PTPRD: variants seen among roughly 807,000 people sequenced by gnomAD.
The protein encoded by PTPRD is receptor-type tyrosine-protein phosphatase delta.
In PTPRD, 34 loss-of-function variants were observed where a neutral mutation model predicts 214.5. That is an observed-to-expected ratio of 0.16 (90% CI 0.12 to 0.21). PTPRD has a LOEUF of 0.21. PTPRD is among the 10% of genes least tolerant of loss of function. The pLI is 1.00. For missense variants in PTPRD, 2,545 were observed against 2,398.7 expected (o/e 1.06, Z -1.27); for synonymous variants, 1,128 against 845.7 (o/e 1.33, Z -5.79).
intron 14 of PTPRD, among the ~76,000 whole-genome samples, chr9:8,561,906 C>T (rs958988247): frequency 6.6e-6 from 1 of 151,956 alleles, no homozygotes; most frequent in Non-Finnish European, 1.5e-5. Context: ...ACTATAACTC[C>T]TTTAAATGCC....
intron 10 of PTPRD, among the ~76,000 whole-genome samples, chr9:9,175,181 A>T (rs1051980901): frequency 3.3e-5 from 5 of 152,188 alleles, no homozygotes; most frequent in African/African-American, 9.6e-5. Flanking sequence ...TTCTTATAGC[A>T]GCCAAAGTGA....
At chr9:9,831,112 T>C (rs1397483161) in intron 5 of PTPRD, among the ~76,000 whole-genome samples, 1 of 151,914 alleles carries the variant, frequency 6.6e-6, no homozygotes, top group African/African-American at 2.4e-5. Flanking sequence ...AGCTTCAGGG[T>C]GTAGCACTGA....
chr9:9,034,366 G>C (rs558649361), intron 10 of PTPRD, among the ~76,000 whole-genome samples: 47 of 152,270 alleles, frequency 3.1e-4, no homozygotes, highest in African/African-American at 1.1e-3. Flanking sequence ...CTAGCTGTTT[G>C]ATGGTGGACA....
At chr9:9,027,062 C>T (rs2099589789) in intron 10 of PTPRD, among the ~76,000 whole-genome samples, 1 of 151,680 alleles carries the variant, frequency 6.6e-6, no homozygotes, top group Admixed American at 6.6e-5. Flanking sequence ...TTGGCTCTGG[C>T]ACCTGCTATG....
At chr9:8,919,780 T>C (rs1588035475) in intron 11 of PTPRD, among the ~76,000 whole-genome samples, 1 of 150,516 alleles carries the variant, frequency 6.6e-6, no homozygotes, top group African/African-American at 2.4e-5. Flanking sequence ...TATATGCACA[T>C]CTATGCACAA....
intron 8 of PTPRD, among the ~76,000 whole-genome samples, chr9:9,511,377 G>A (rs1273253187): frequency 1.3e-5 from 2 of 151,674 alleles, no homozygotes; most frequent in African/African-American, 4.8e-5. Context: ...TAAGCACATA[G>A]CTGATGCTAG....
At chr9:10,107,802 G>C (rs2098649673) in intron 3 of PTPRD, among the ~76,000 whole-genome samples, 1 of 152,090 alleles carries the variant, frequency 6.6e-6, no homozygotes, top group African/African-American at 2.4e-5. Context: ...ACTGCAATAT[G>C]ATTAAACTCA....
At chr9:8,698,012 T>C (rs766172424) in intron 12 of PTPRD, among the ~76,000 whole-genome samples, 4 of 152,186 alleles carry the variant, frequency 2.6e-5, no homozygotes, top group Non-Finnish European at 4.4e-5. Flanking sequence ...CAGTCCTCTG[T>C]AGTCTCTGCT....
At chr9:9,865,807 C>T (rs980796718) in intron 5 of PTPRD, among the ~76,000 whole-genome samples, 5 of 152,180 alleles carry the variant, frequency 3.3e-5, no homozygotes, top group Non-Finnish European at 7.3e-5. Context: ...AGTAACATTC[C>T]ATTTTAGCCG....
At chr9:9,152,261 T>C (rs1272880081) in intron 10 of PTPRD, among the ~76,000 whole-genome samples, 1 of 152,208 alleles carries the variant, frequency 6.6e-6, no homozygotes, top group African/African-American at 2.4e-5. Flanking sequence ...TGAATGCACA[T>C]GTAGAGACAT....
chr9:10,127,601 A>G (rs1166030559), intron 3 of PTPRD, among the ~76,000 whole-genome samples: 1 of 152,164 alleles, frequency 6.6e-6, no homozygotes, highest in Non-Finnish European at 1.5e-5. Flanking sequence ...TACTGTAATT[A>G]TTTATTAATG....
At chr9:9,601,921 T>C (rs977298505) in intron 7 of PTPRD, among the ~76,000 whole-genome samples, 52 of 152,194 alleles carry the variant, frequency 3.4e-4, no homozygotes, top group African/African-American at 1.2e-3. Flanking sequence ...CATTATAGAC[T>C]CTTGGGTCAC....
chr9:9,051,188 G>A (rs1370946786), intron 10 of PTPRD, among the ~76,000 whole-genome samples: 1 of 151,830 alleles, frequency 6.6e-6, no homozygotes, highest in Non-Finnish European at 1.5e-5. Flanking sequence ...AAAAAATCAT[G>A]TACACCACAA....
At chr9:10,357,552 G>A (rs10120741) in intron 2 of PTPRD, among the ~76,000 whole-genome samples, 36,767 of 152,048 alleles carry the variant, frequency 0.24, 4,548 homozygotes, top group African/African-American at 0.29. Flanking sequence ...AGTGCTTAGA[G>A]CAGAACTTGG....
At chr9:10,466,031 G>A (rs770219766) in intron 2 of PTPRD, among the ~76,000 whole-genome samples, 2 of 152,126 alleles carry the variant, frequency 1.3e-5, no homozygotes, top group Non-Finnish European at 2.9e-5. Flanking sequence ...ATGAATGAGC[G>A]AAACTAAAAA....
At chr9:8,668,080 A>G (rs1312830372) in intron 12 of PTPRD, among the ~76,000 whole-genome samples, 1 of 152,218 alleles carries the variant, frequency 6.6e-6, no homozygotes, top group Non-Finnish European at 1.5e-5. Flanking sequence ...CCCAATGACC[A>G]CTGGCTACCA....
chr9:9,251,217 C>G (rs2099975348), intron 9 of PTPRD, among the ~76,000 whole-genome samples: 1 of 152,020 alleles, frequency 6.6e-6, no homozygotes, highest in African/African-American at 2.4e-5. Flanking sequence ...TGGATCCAAG[C>G]CAGGTTGCCT....
In PTPRD at chr9:9,209,960, G is replaced by T. The variant is rs114653730; in HGVS notation, c.-202-26597C>A. Reference sequence around the variant, plus strand: ...TTCCTCCTAAACTCAGATCCCATGGGGTGATGCAGAAGGGCCCAGATAGAT... The same window carrying T: ...TTCCTCCTAAACTCAGATCCCATGGTGTGATGCAGAAGGGCCCAGATAGAT... On this transcript the variant is annotated intron_variant, in intron 9 of 45. Transcript: ENST00000381196. 8.9e-3 allele frequency among the ~76,000 whole-genome samples: 1,348 copies of T among 152,110 alleles called. 22 individuals carry two copies. The highest frequency in any genetic ancestry group is 0.03 in the African/African-American group (1,233 of 41,482).
intron 8 of PTPRD, among the ~76,000 whole-genome samples, chr9:9,403,721 G>A (rs753005171): frequency 6.6e-6 from 1 of 151,922 alleles, no homozygotes; most frequent in Non-Finnish European, 1.5e-5. Context: ...TTTATAAAAC[G>A]AATATTTTTA....
Sources: gnomAD v4.1 joint callset for allele counts (sites outside exome capture counted in the v4.1 genomes callset) on GRCh38, gnomAD v4.1.1 for gene constraint, MANE v1.5 for transcripts, NCBI Gene and HGNC (gene_info 2026-07-23, HGNC 2026-07-21) for gene names.